CACNB4: variants seen among roughly 807,000 people sequenced by gnomAD.
CACNB4 encodes calcium voltage-gated channel auxiliary subunit beta 4, also known as voltage-dependent L-type calcium channel subunit beta-4.
In CACNB4, 32 loss-of-function variants were observed where a neutral mutation model predicts 71.2. The ratio of observed to expected loss-of-function variants is 0.45; its 90% confidence interval spans 0.34 to 0.60. The LOEUF (loss-of-function observed/expected upper bound fraction) is 0.60, where lower values mean the gene tolerates loss of function less well. CACNB4 is among the 20% of genes least tolerant of loss of function. The pLI is 0.01. For missense variants in CACNB4, 464 were observed against 647.9 expected, an observed-to-expected ratio of 0.72 and a Z score of 3.08; for synonymous variants, 231 against 236.9, an observed-to-expected ratio of 0.97 and a Z score of 0.23.
intron 2 of CACNB4, among the ~76,000 whole-genome samples, chr2:152,042,014 A>G (rs73967737): frequency 2.8e-4 from 42 of 152,276 alleles, no homozygotes; most frequent in Non-Finnish European, 5.3e-4. Context: ...AGAGCAAACT[A>G]TGTGATCTGT....
chr2:152,023,473 C>G (rs550311853), intron 2 of CACNB4, among the ~76,000 whole-genome samples: 1 of 151,984 alleles, frequency 6.6e-6, no homozygotes, highest in Non-Finnish European at 1.5e-5. Flanking sequence ...TCACTCTTGT[C>G]CCCCCGGCTG....
chr2:152,071,213 A>G (rs57725969), intron 2 of CACNB4, among the ~76,000 whole-genome samples: 1,814 of 152,320 alleles, frequency 0.012, 36 homozygotes, highest in African/African-American at 0.042. Context: ...CTCTTCTGTG[A>G]CTTTAGGCTA....
intron 2 of CACNB4, among the ~76,000 whole-genome samples, chr2:151,958,631 T>C (rs1401160574): frequency 6.6e-6 from 1 of 152,196 alleles, no homozygotes; most frequent in Non-Finnish European, 1.5e-5. Flanking sequence ...GCTGCATTTA[T>C]GACTTAAATA....
rs755870114 is a variant in CACNB4 at position 151,942,123 on chromosome 2, C to T, written c.148-58753G>A. Among the ~76,000 whole-genome samples, 39 of 136,832 alleles carry T rather than the reference C, an allele frequency of 2.9e-4. 1 individual carries two copies. Among genetic ancestry groups the T allele is most frequent in the Non-Finnish European group, 5.0e-4 (34 of 67,974 alleles). 89.8% of individuals were successfully genotyped at this position (136,832 alleles called of 152,430 possible). ...CACAAACTGTGTGAACAGATAGATT[C>T]TCCAGTGCCTGAACAATCACAGGAT... On this transcript the variant is annotated intron_variant, in intron 2 of 13. Transcript: ENST00000539935.
At chr2:152,033,409 T>G (rs1684395623) in intron 2 of CACNB4, among the ~76,000 whole-genome samples, 1 of 152,130 alleles carries the variant, frequency 6.6e-6, no homozygotes, top group South Asian at 2.1e-4. Flanking sequence ...ACTCCCTCCT[T>G]CAACTCCAGC....
chr2:151,846,066 T>A lies in CACNB4; in HGVS notation c.1117-3978A>T, dbSNP rs779806891. Among the ~76,000 whole-genome samples the A allele has an allele frequency of 1.7e-3, 260 of 152,036 alleles. 3 individuals are homozygous for A. The highest frequency in any genetic ancestry group is 1.5e-3 in the East Asian group (8 of 5,184). On this transcript the variant is annotated intron_variant, in intron 12 of 13. Coordinates refer to ENST00000539935, the MANE Select transcript of CACNB4 (RefSeq NM_000726.5). ...TGGAAATGAATACTTGCAAGGTCTT[T>A]AAAAAAAAGTATTTAACCATCTGTT...
At chr2:152,001,487 G>C (rs913314882) in intron 2 of CACNB4, among the ~76,000 whole-genome samples, 1 of 130,380 alleles carries the variant, frequency 7.7e-6, no homozygotes, top group African/African-American at 2.9e-5. Context: ...TCAGGAGTTC[G>C]AGACCAGCCT....
At position 152,057,190 on chromosome 2, in the gene CACNB4, G is replaced by A. The variant is rs370314267; in HGVS notation, c.147+41140C>T. Among the ~76,000 whole-genome samples, 51 of 152,180 alleles carry A rather than the reference G, an allele frequency of 3.4e-4. No individual in the cohort carries two copies. The East Asian group carries it at 9.3e-3, about 28-fold the overall frequency. On this transcript the variant is annotated intron_variant, in intron 2 of 13. Transcript: ENST00000539935. ...TCCTGTCAACAGCCAGCAAGGAACC[G>A]AGACCCTCAGTCCAACACACCTTAA...
In CACNB4 at chr2:152,016,922, T is replaced by C. The variant is rs147552540; in HGVS notation, c.147+81408A>G. 6.3e-3 allele frequency among the ~76,000 whole-genome samples: 964 copies of C among 152,368 alleles called. 6 individuals are homozygous for C. The highest frequency in any genetic ancestry group is 7.7e-3 in the Non-Finnish European group (524 of 68,040). On this transcript the variant is annotated intron_variant, in intron 2 of 13. Transcript: ENST00000539935. ...AGGCTTTATTATCATCTTCCTTTTA[T>C]ACACAGGGGAAATGAGGCAAAGAGA...
chr2:151,889,821 G>A (rs765534909), intron 2 of CACNB4, among the ~76,000 whole-genome samples: 14 of 152,116 alleles, frequency 9.2e-5, no homozygotes, highest in African/African-American at 3.1e-4. Flanking sequence ...TCCAGGCTGC[G>A]TCTCCAAGTA....
At chr2:151,887,883 G>T (rs569233267) in intron 2 of CACNB4, among the ~76,000 whole-genome samples, 1 of 152,198 alleles carries the variant, frequency 6.6e-6, no homozygotes, top group South Asian at 2.1e-4. Context: ...CTAATTAAAG[G>T]TTTGGCAGCT....
At chr2:152,091,372 A>G (rs1473406102) in intron 2 of CACNB4, among the ~76,000 whole-genome samples, 1 of 152,236 alleles carries the variant, frequency 6.6e-6, no homozygotes, top group Non-Finnish European at 1.5e-5. Context: ...AAAACTTCCA[A>G]CTTTGCAGAT....
At chr2:151,977,310 A>C (rs1463766429) in intron 2 of CACNB4, among the ~76,000 whole-genome samples, 1 of 152,210 alleles carries the variant, frequency 6.6e-6, no homozygotes, top group Non-Finnish European at 1.5e-5. Flanking sequence ...TCTGTTTATA[A>C]ATGCCACGTG....
chr2:151,878,938 A>G (rs1348123661), intron 4 of CACNB4, among the ~76,000 whole-genome samples: 1 of 152,172 alleles, frequency 6.6e-6, no homozygotes, highest in Non-Finnish European at 1.5e-5. Flanking sequence ...AAAGAAAAGA[A>G]AAAAATGTGA....
Position 152,048,229 on chromosome 2 carries a change from A to G in CACNB4, c.147+50101T>C, listed in dbSNP as rs181095638. Reference sequence around the variant, plus strand: ...CACCCCCTAGATGTAACAACAAAAAATGCCTCTAGACATTACCAAAAGTTC... The same window carrying G: ...CACCCCCTAGATGTAACAACAAAAAGTGCCTCTAGACATTACCAAAAGTTC... On this transcript the variant is annotated intron_variant, in intron 2 of 13. Coordinates refer to ENST00000539935, the MANE Select transcript of CACNB4 (RefSeq NM_000726.5). Among the ~76,000 whole-genome samples, 613 of 152,274 alleles carry G rather than the reference A, an allele frequency of 4.0e-3. 8 individuals are homozygous for G. The highest frequency in any genetic ancestry group is 0.014 in the African/African-American group (594 of 41,550).
At chr2:152,069,760 T>G (rs1401286043) in intron 2 of CACNB4, among the ~76,000 whole-genome samples, 1 of 151,080 alleles carries the variant, frequency 6.6e-6, no homozygotes, top group Non-Finnish European at 1.5e-5. Context: ...CTGCTTAATT[T>G]TCTTAATTTT....
intron 2 of CACNB4, among the ~76,000 whole-genome samples, chr2:152,073,107 T>A (rs1026284829): frequency 2.4e-4 from 36 of 152,146 alleles, no homozygotes; most frequent in African/African-American, 6.8e-4. Flanking sequence ...TCATAAAATA[T>A]CAGGAAAATG....
At chr2:151,871,155 A>G in intron 6 of CACNB4, 1 of 444,818 alleles carries the variant, frequency 2.2e-6, no homozygotes, top group South Asian at 3.5e-5. Context: ...CGGGCCAGCC[A>G]ATCACCATGG....
intron 2 of CACNB4, among the ~76,000 whole-genome samples, chr2:151,911,851 T>G (rs1358664366): frequency 6.6e-6 from 1 of 152,128 alleles, no homozygotes; most frequent in African/African-American, 2.4e-5. Context: ...TCAGAGCTTA[T>G]TATTGGTCTA....
Sources: gnomAD v4.1 joint callset for allele counts (sites outside exome capture counted in the v4.1 genomes callset) on GRCh38, gnomAD v4.1.1 for gene constraint, MANE v1.5 for transcripts, NCBI Gene and HGNC (gene_info 2026-07-23, HGNC 2026-07-21) for gene names.